ARMC3: variants seen among roughly 807,000 people sequenced by gnomAD.
ARMC3 encodes armadillo repeat-containing protein 3.
In ARMC3, 74 loss-of-function variants were observed where a neutral mutation model predicts 90.3. That is an observed-to-expected ratio of 0.82 (90% CI 0.68 to 0.99). The LOEUF (loss-of-function observed/expected upper bound fraction) is 0.99, where lower values mean the gene tolerates loss of function less well. Ranked by LOEUF, ARMC3 falls within the 50% of genes least tolerant of loss-of-function variation. ARMC3 has a pLI of 0.00. For synonymous variants in ARMC3, 334 were observed against 361.8 expected, an observed-to-expected ratio of 0.92 and a Z score of 0.87; for missense variants, 958 against 1,042.8, an observed-to-expected ratio of 0.92 and a Z score of 1.12.
intron 15 of ARMC3, 82 bp downstream of exon 15, chr10:23,008,456 G>A (rs1837742321): frequency 1.3e-6 from 1 of 788,146 alleles, no homozygotes; most frequent in Admixed American, 3.0e-5. Flanking sequence ...TTTTAGATTG[G>A]GGCAACTTGA....
intron 6 of ARMC3, 136 bp from the exon 7 acceptor site, chr10:22,961,748 G>C (rs1312769203): frequency 1.5e-6 from 1 of 678,330 alleles, no homozygotes; most frequent in Non-Finnish European, 2.4e-6. Context: ...TATTTTTTGA[G>C]TTATTTTGGA....
chr10:22,995,075 C>T (rs1167516582), intron 10 of ARMC3, among the ~76,000 whole-genome samples: 1 of 152,174 alleles, frequency 6.6e-6, no homozygotes, highest in Non-Finnish European at 1.5e-5. Context: ...AGTTTGACTT[C>T]CATCCCATTC....
At chr10:23,034,524 G>A (rs759963279) in intron 18 of ARMC3, among the ~76,000 whole-genome samples, 2 of 152,024 alleles carry the variant, frequency 1.3e-5, no homozygotes. Context: ...TTGAGCCCAC[G>A]CCTACCTGAA....
intron 3 of ARMC3, chr10:22,955,463 A>T (rs1834895085): frequency 1.1e-5 from 2 of 178,752 alleles, no homozygotes; most frequent in Non-Finnish European, 2.4e-5. Flanking sequence ...CAAAACACAG[A>T]GGTTGTTAAG....
chr10:23,007,581 C>A (rs1316557625), intron 14 of ARMC3, among the ~76,000 whole-genome samples: 1 of 151,842 alleles, frequency 6.6e-6, no homozygotes, highest in Admixed American at 6.6e-5. Context: ...CCTGTAATCC[C>A]AGCTACTCAG....
chr10:22,931,916 A>T, intron 1 of ARMC3, 80 bp from the exon 2 acceptor site: 1 of 1,230,640 alleles, frequency 8.1e-7, no homozygotes, highest in Non-Finnish European at 1.2e-6. Flanking sequence ...AGGAGAAAAT[A>T]AACCTCCTCT....
chr10:22,939,431 T>C (rs532974260), intron 2 of ARMC3, among the ~76,000 whole-genome samples: 2 of 152,154 alleles, frequency 1.3e-5, no homozygotes, highest in Non-Finnish European at 2.9e-5. Flanking sequence ...CTGGGAAGCA[T>C]TGTAATTTGC....
At chr10:22,963,041 A>G (rs1470634536) in intron 7 of ARMC3, among the ~76,000 whole-genome samples, 3 of 152,168 alleles carry the variant, frequency 2.0e-5, no homozygotes, top group Non-Finnish European at 4.4e-5. Context: ...AATTTGCCTT[A>G]TGTCACACAG....
chr10:23,034,820 A>G (rs1451986490), intron 18 of ARMC3, among the ~76,000 whole-genome samples: 1 of 152,080 alleles, frequency 6.6e-6, no homozygotes, highest in Non-Finnish European at 1.5e-5. Context: ...CCCTTTATGT[A>G]CTTTGCAGGG....
intron 2 of ARMC3, 107 bp from the exon 3 acceptor site, chr10:22,946,037 A>G: frequency 1.3e-6 from 1 of 770,550 alleles, no homozygotes; most frequent in South Asian, 2.0e-5. Context: ...CAGTGACCAC[A>G]TCCTTTTTGC....
rs1836185765 is a variant in ARMC3 at position 22,981,495 on chromosome 10, A to T, written c.1069+3A>T. On this transcript the variant is annotated splice_donor_region_variant and intron_variant, in intron 9 of 18. Transcript: ENST00000298032. ...CAAAGATTTTTTCAATAATCAGGGT[A>T]AGTCAACTGGAAACAATTCTTTTGA... 3 of 1,613,950 alleles carry T rather than the reference A, an allele frequency of 1.9e-6. No homozygotes were observed. The highest frequency in any genetic ancestry group is 2.5e-6 in the Non-Finnish European group (3 of 1,179,914).
intron 8 of ARMC3, among the ~76,000 whole-genome samples, chr10:22,977,064 A>G (rs1835958079): frequency 6.6e-6 from 1 of 152,190 alleles, no homozygotes; most frequent in African/African-American, 2.4e-5. Flanking sequence ...TTGTTCGACC[A>G]TAATTTTATA....
chr10:23,018,037 C>G (rs780439250), intron 16 of ARMC3, among the ~76,000 whole-genome samples: 5 of 152,274 alleles, frequency 3.3e-5, no homozygotes, highest in East Asian at 1.9e-4. Context: ...GATAAGGCAA[C>G]AATTCTTTTT....
intron 14 of ARMC3, among the ~76,000 whole-genome samples, chr10:23,007,249 C>G (rs1359579762): frequency 6.6e-6 from 1 of 152,182 alleles, no homozygotes; most frequent in East Asian, 1.9e-4. Flanking sequence ...GTCAAGGCCT[C>G]TTACCATGGA....
At chr10:23,013,785 C>T (rs78085110) in intron 16 of ARMC3, among the ~76,000 whole-genome samples, 9,155 of 152,210 alleles carry the variant, frequency 0.06, 389 homozygotes, top group Middle Eastern at 0.13. Flanking sequence ...CTTCCATAGC[C>T]TGCACTGATT....
At chr10:22,989,133 T>A (rs1462489398) in intron 10 of ARMC3, among the ~76,000 whole-genome samples, 1 of 152,212 alleles carries the variant, frequency 6.6e-6, no homozygotes, top group Non-Finnish European at 1.5e-5. Context: ...TGTAGTTTAA[T>A]GAAACGTACG....
At chr10:22,997,476 G>C (rs747531381) in intron 10 of ARMC3, 3 of 152,170 alleles carry the variant, frequency 2.0e-5, no homozygotes, top group Admixed American at 6.5e-5. Flanking sequence ...AACTGAATAT[G>C]CCTACATTAC....
At chr10:22,960,099 C>T in intron 6 of ARMC3, 1 of 306,514 alleles carries the variant, frequency 3.3e-6, no homozygotes, top group South Asian at 2.9e-5. Flanking sequence ...TGCCAACCTT[C>T]CCCTCCCCTG....
At chr10:22,987,086 A>G (rs1219635828) in intron 10 of ARMC3, among the ~76,000 whole-genome samples, 1 of 152,208 alleles carries the variant, frequency 6.6e-6, no homozygotes. Context: ...TTGGACACAT[A>G]TCTTTTCTTG....
Sources: allele counts gnomAD v4.1 joint callset (sites outside exome capture counted in the v4.1 genomes callset), GRCh38; gene constraint gnomAD v4.1.1; transcripts MANE v1.5; gene names NCBI Gene and HGNC (gene_info 2026-07-23, HGNC 2026-07-21).